KCNC2: variants seen among roughly 807,000 people sequenced by gnomAD.
The protein encoded by KCNC2 is potassium voltage-gated channel subfamily C member 2, also known as voltage-gated potassium channel KCNC2.
In KCNC2, 21 loss-of-function variants were observed where a neutral mutation model predicts 44.5. The ratio of observed to expected loss-of-function variants is 0.47; its 90% confidence interval spans 0.33 to 0.68. The LOEUF is 0.68. Among genes scored for constraint, KCNC2 ranks in the 30% least tolerant of loss-of-function variants. KCNC2 has a pLI of 0.01. For synonymous variants in KCNC2, 391 were observed against 339.1 expected (o/e 1.15, Z -1.68); for missense variants, 589 against 826.2 (o/e 0.71, Z 3.52).
At chr12:75,056,713 A>G (rs1424531362) in intron 2 of KCNC2, among the ~76,000 whole-genome samples, 1 of 152,080 alleles carries the variant, frequency 6.6e-6, no homozygotes, top group Non-Finnish European at 1.5e-5. Flanking sequence ...ATGATATTCA[A>G]TGAGGCATTA....
At position 75,042,591 on chromosome 12, in the gene KCNC2, A is replaced by G. The variant is rs1349943654; in HGVS notation, c.*514T>C. 2 of 1,356,888 alleles carry G rather than the reference A, an allele frequency of 1.5e-6. No homozygotes were observed. The highest frequency in any genetic ancestry group is 2.9e-5 in the East Asian group (1 of 34,800). The allele number at this position is 1,356,888 out of a possible 1,614,324, so 84.1% of individuals were successfully genotyped here. A position where few individuals can be genotyped will look rare whatever the true frequency, so the allele number is the denominator to read the frequency against. ...GCAGGATGGTTCGATGCAAGTACAC[A>G]TATCCTGAGCTATCCACAGTCCCCG... is the stretch of plus-strand genomic sequence containing the variant. On this transcript the variant is annotated 3_prime_UTR_variant, in exon 5 of 5. Coordinates refer to ENST00000549446, the MANE Select transcript of KCNC2 (RefSeq NM_139137.4).
At chr12:75,080,557 A>T (rs1237510380) in intron 2 of KCNC2, among the ~76,000 whole-genome samples, 3 of 152,114 alleles carry the variant, frequency 2.0e-5, no homozygotes, top group Non-Finnish European at 4.4e-5. Context: ...ATGTGCAAAA[A>T]ATAATGTCTC....
intron 2 of KCNC2, among the ~76,000 whole-genome samples, chr12:75,099,498 C>T (rs971500500): frequency 6.6e-6 from 1 of 152,068 alleles, no homozygotes; most frequent in Non-Finnish European, 1.5e-5. Flanking sequence ...CATGTCTTTG[C>T]TTGAAGGTCA....
intron 2 of KCNC2, among the ~76,000 whole-genome samples, chr12:75,116,976 G>T (rs1887703829): frequency 6.6e-6 from 1 of 151,778 alleles, no homozygotes. Flanking sequence ...CCTTACAATT[G>T]TTCTTCCTAC....
chr12:75,047,854 T>C (rs1394124988), intron 4 of KCNC2, among the ~76,000 whole-genome samples: 2 of 152,114 alleles, frequency 1.3e-5, no homozygotes, highest in Non-Finnish European at 2.9e-5. Context: ...GTACATTATA[T>C]TAAAGTAATT....
intron 2 of KCNC2, among the ~76,000 whole-genome samples, chr12:75,102,521 A>C (rs1886448909): frequency 6.6e-6 from 1 of 152,094 alleles, no homozygotes; most frequent in Non-Finnish European, 1.5e-5. Context: ...TGCAAATGTT[A>C]TCTGCATATT....
chr12:75,057,532 G>A (rs1408788442), intron 2 of KCNC2, among the ~76,000 whole-genome samples: 1 of 151,832 alleles, frequency 6.6e-6, no homozygotes, highest in Non-Finnish European at 1.5e-5. Context: ...TTATGGTATT[G>A]AATTAGATTG....
intron 2 of KCNC2, among the ~76,000 whole-genome samples, chr12:75,138,849 C>A (rs1421425385): frequency 6.6e-6 from 1 of 151,724 alleles, no homozygotes; most frequent in African/African-American, 2.4e-5. Flanking sequence ...GGCGTGGTGG[C>A]GGACGCCTGT....
rs529762282 is a variant in KCNC2, at chr12:75,052,423, C to A, written c.688-1106G>T. Reference sequence around the variant, plus strand: ...TCACATACTTCTTAATATTAAAGATCTGAAAACTTGAAATCCAGCTGTTTG... The same window carrying A: ...TCACATACTTCTTAATATTAAAGATATGAAAACTTGAAATCCAGCTGTTTG... On this transcript the variant is annotated intron_variant, in intron 2 of 4. Coordinates refer to ENST00000549446, the MANE Select transcript of KCNC2 (RefSeq NM_139137.4). Among the ~76,000 whole-genome samples, 5 of 152,190 alleles carry A rather than the reference C, an allele frequency of 3.3e-5. No individual in the cohort carries two copies. The South Asian group carries it at 1.0e-3, about 32-fold the overall frequency.
At chr12:75,183,777 A>G (rs1057119610) in intron 2 of KCNC2, among the ~76,000 whole-genome samples, 5 of 152,202 alleles carry the variant, frequency 3.3e-5, no homozygotes, top group African/African-American at 1.2e-4. Flanking sequence ...ATATGAAAAT[A>G]AAATTGAAGA....
intron 2 of KCNC2, among the ~76,000 whole-genome samples, chr12:75,059,192 T>C (rs1027855902): frequency 1.3e-5 from 2 of 152,144 alleles, no homozygotes; most frequent in Non-Finnish European, 2.9e-5. Flanking sequence ...ATTGATTGAT[T>C]GGCTGTGTAA....
chr12:75,122,271 T>C (rs780862983), intron 2 of KCNC2, among the ~76,000 whole-genome samples: 21 of 152,238 alleles, frequency 1.4e-4, no homozygotes, highest in Non-Finnish European at 2.6e-4. Context: ...CCCTCCAAAA[T>C]TGGCCATTCA....
In KCNC2 at chr12:75,077,686, AGACCTAAGCAATGTAG is replaced by A. The variant is rs552881305; in HGVS notation, c.688-26385_688-26370del. Among the ~76,000 whole-genome samples the A allele has an allele frequency of 5.0e-3, 755 of 152,302 alleles. 4 individuals carry two copies. The highest frequency in any genetic ancestry group is 0.017 in the African/African-American group (689 of 41,572). On this transcript the variant is annotated intron_variant, in intron 2 of 4. Transcript: ENST00000549446. The stretch of plus-strand genomic sequence containing the variant: ...GATGACCATAAGAATCTTAGAAGAG[AGACCTAAGCAATGTAG>A]GACCTATTCAGTGAGTAATGTCCTT...
At position 75,075,480 on chromosome 12, in the gene KCNC2, TATACAC is replaced by T. The variant is rs869172042; in HGVS notation, c.688-24169_688-24164del. On this transcript the variant is annotated intron_variant, in intron 2 of 4. Transcript: ENST00000549446. ...ATACATATATATATATATATATATA[TATACAC>T]ATATATATATATAAATAACATTGCT... 2.5e-4 allele frequency among the ~76,000 whole-genome samples: 30 copies of T among 119,502 alleles called. No individual in the cohort carries two copies. In the East Asian group the frequency reaches 8.8e-3, roughly 35 times the overall value. The allele number at this position is 119,502 out of a possible 152,430, so 78.4% of individuals were successfully genotyped here.
intron 2 of KCNC2, among the ~76,000 whole-genome samples, chr12:75,192,685 A>G (rs542604925): frequency 2.2e-4 from 33 of 152,314 alleles, no homozygotes; most frequent in African/African-American, 7.7e-4. Flanking sequence ...GGGGATCAGA[A>G]TAAATTAAAA....
Position 75,042,206 on chromosome 12 carries a change from A to ATT in KCNC2, c.*897_*898dup. 2.8e-5 allele frequency: 30 copies of ATT among 1,056,516 alleles called. No homozygotes were observed. Among genetic ancestry groups the ATT allele is most frequent in the South Asian group, 9.5e-5 (4 of 41,960 alleles). The allele number at this position is 1,056,516 out of a possible 1,614,324, so 65.4% of individuals were successfully genotyped here. ...CTGAAAATGATGACAAACCCTGGGT[A>ATT]TTTTTTTTTTTTAAAGAGTCTAGAA... On this transcript the variant is annotated 3_prime_UTR_variant, in exon 5 of 5. Coordinates refer to ENST00000549446, the MANE Select transcript of KCNC2 (RefSeq NM_139137.4).
Position 75,041,743 on chromosome 12 carries a change from C to G in KCNC2, c.*1362G>C. ...GCAACCAAGTGCAATGGTGAAATTGCTGCTTAAACCCTGCTTATCAAAAAG... is the reference window on the plus strand; with the variant it reads ...GCAACCAAGTGCAATGGTGAAATTGGTGCTTAAACCCTGCTTATCAAAAAG... On this transcript the variant is annotated 3_prime_UTR_variant, in exon 5 of 5. Transcript: ENST00000549446. 1 of 992,716 alleles carries G rather than the reference C, an allele frequency of 1.0e-6. No homozygotes were observed. Among genetic ancestry groups the G allele is most frequent in the Non-Finnish European group, 1.2e-6 (1 of 834,056 alleles). The allele number at this position is 992,716 out of a possible 1,614,324, so 61.5% of individuals were successfully genotyped here.
Position 75,040,931 on chromosome 12 carries a change from C to T in KCNC2, c.*2174G>A, listed in dbSNP as rs1421332507. ...GATGAGAAATGGCCAAGACTGTTGA[C>T]CCATGCACACATGTTGGTATTTACA... On this transcript the variant is annotated 3_prime_UTR_variant, in exon 5 of 5. Coordinates refer to ENST00000549446, the MANE Select transcript of KCNC2 (RefSeq NM_139137.4). 1 of 594,710 alleles carries T rather than the reference C, an allele frequency of 1.7e-6. No individual in the cohort carries two copies. 36.8% of individuals were successfully genotyped at this position (594,710 alleles called of 1,614,324 possible). A position where few individuals can be genotyped will look rare whatever the true frequency, so the allele number is the denominator to read the frequency against.
At chr12:75,152,752 T>A (rs527543974) in intron 2 of KCNC2, among the ~76,000 whole-genome samples, 2 of 151,972 alleles carry the variant, frequency 1.3e-5, no homozygotes, top group Admixed American at 1.3e-4. Flanking sequence ...GGAAGGGCCA[T>A]AGAGTTGGAG....
Sources: allele counts gnomAD v4.1 joint callset (sites outside exome capture counted in the v4.1 genomes callset), GRCh38; gene constraint gnomAD v4.1.1; transcripts MANE v1.5; gene names NCBI Gene and HGNC (gene_info 2026-07-23, HGNC 2026-07-21).